The following FEM1C variants were observed in gnomAD, a reference collection of about 807,000 sequenced individuals.
FEM1C encodes the protein fem-1 homolog C.
In FEM1C, 15 loss-of-function variants were observed where a neutral mutation model predicts 37.6. The observed-to-expected ratio is 0.40, with a 90% CI of 0.27 to 0.61. The LOEUF (loss-of-function observed/expected upper bound fraction) is 0.61. Ranked by LOEUF, FEM1C falls within the 20% of genes least tolerant of loss-of-function variation. The pLI is 0.42. For missense variants in FEM1C, 532 were observed against 749.7 expected (o/e 0.71, Z 3.39); for synonymous variants, 287 against 272.8 (o/e 1.05, Z -0.51).
chr5:115,541,153 G>A (rs1754232795), intron 2 of FEM1C, among the ~76,000 whole-genome samples: 1 of 152,004 alleles, frequency 6.6e-6, no homozygotes, highest in Non-Finnish European at 1.5e-5. Flanking sequence ...AGAAGAGTAT[G>A]CAGCTATTGA....
At chr5:115,540,791 T>C (rs754067589) in intron 2 of FEM1C, among the ~76,000 whole-genome samples, 1 of 152,034 alleles carries the variant, frequency 6.6e-6, no homozygotes, top group Non-Finnish European at 1.5e-5. Context: ...TTAAAACATA[T>C]CCCAATTTGA....
At position 115,521,508 on chromosome 5, in the gene FEM1C, T is replaced by C. The variant is rs1285670832; in HGVS notation, c.*2800A>G. The C allele has an allele frequency of 6.6e-6, 1 of 151,808 alleles. No individual in the cohort carries two copies. Among genetic ancestry groups the C allele is most frequent in the African/African-American group, 2.4e-5 (1 of 41,410 alleles). The allele number at this position is 151,808 out of a possible 1,614,324, so 9.4% of individuals were successfully genotyped here. A position where few individuals can be genotyped will look rare whatever the true frequency, so the allele number is the denominator to read the frequency against. On this transcript the variant is annotated 3_prime_UTR_variant, in exon 3 of 3. Coordinates refer to ENST00000274457, the MANE Select transcript of FEM1C (RefSeq NM_020177.3). Reference sequence around the variant, plus strand: ...AAAATGACTATTTTTAAGTCTATAATCCATTTGTCTTTATAAAGTAGACTG... The same window carrying C: ...AAAATGACTATTTTTAAGTCTATAACCCATTTGTCTTTATAAAGTAGACTG...
At chr5:115,528,609 A>G (rs1753954604) in intron 2 of FEM1C, among the ~76,000 whole-genome samples, 1 of 152,192 alleles carries the variant, frequency 6.6e-6, no homozygotes, top group Non-Finnish European at 1.5e-5. Context: ...ATTAAAAGCC[A>G]GAAGCAAATA....
intron 2 of FEM1C, among the ~76,000 whole-genome samples, chr5:115,528,153 T>C (rs2127170168): frequency 6.6e-6 from 1 of 152,114 alleles, no homozygotes; most frequent in Non-Finnish European, 1.5e-5. Context: ...AGGAAGACTT[T>C]CACATCCAGT....
At chr5:115,540,340 G>A (rs991461532) in intron 2 of FEM1C, among the ~76,000 whole-genome samples, 1 of 152,086 alleles carries the variant, frequency 6.6e-6, no homozygotes, top group Admixed American at 6.5e-5. Context: ...CAGATACCAT[G>A]AAAAGGTAAA....
intron 2 of FEM1C, among the ~76,000 whole-genome samples, chr5:115,542,396 C>A (rs1171622150): frequency 1.3e-5 from 2 of 152,070 alleles, no homozygotes; most frequent in Non-Finnish European, 2.9e-5. Flanking sequence ...TATCTATTGA[C>A]CACAAACAAA....
At position 115,525,224 on chromosome 5, in the gene FEM1C, G is replaced by C. The variant is rs1753864949; in HGVS notation, c.938C>G (p.Ala313Gly). The change falls in exon 3 of 3, where the codon GCT becomes GGT. Residue 313 changes from alanine (A) to glycine (G), a missense_variant. Transcript: ENST00000274457. ...CTGCATTCTCATCTCATCAGGATCAGCAATAAGACCTTCTAGCTCTTCTGC... is the reference window on the plus strand; with the variant it reads ...CTGCATTCTCATCTCATCAGGATCACCAATAAGACCTTCTAGCTCTTCTGC... ...NSAEELEGLI[A>G]DPDEMRMQAL... 2.5e-6 allele frequency: 4 copies of C among 1,613,284 alleles called. No homozygotes were observed. In the African/African-American group the frequency reaches 5.3e-5, roughly 22 times the overall value.
At chr5:115,543,899 C>G (rs1754297279) in intron 1 of FEM1C, 1 of 985,300 alleles carries the variant, frequency 1.0e-6, no homozygotes, top group Non-Finnish European at 1.2e-6. Context: ...GCAGTCTCCT[C>G]CATGTGCGGA....
In FEM1C at chr5:115,536,094, A is replaced by C. The variant is rs546218697; in HGVS notation, c.544+6856T>G. Among the ~76,000 whole-genome samples, 8 of 151,842 alleles carry C rather than the reference A, an allele frequency of 5.3e-5. No homozygotes were observed. In the South Asian group the frequency reaches 1.7e-3, roughly 32 times the overall value. On this transcript the variant is annotated intron_variant, in intron 2 of 2. Transcript: ENST00000274457. ...GAATGAGGAGGGATAGGAGGGAGTG[A>C]CTCTTAATGGATATGAGATTTTTTC...
Position 115,521,631 on chromosome 5 carries a change from TTAA to T in FEM1C, c.*2674_*2676del, listed in dbSNP as rs1158946060. ...CCAAAAGGGCATTTTCATAGAAATG[TTAA>T]TAACTTACACATTAACTCCAGTCAA... On this transcript the variant is annotated 3_prime_UTR_variant, in exon 3 of 3. Transcript: ENST00000274457. 4.6e-5 allele frequency: 7 copies of T among 151,916 alleles called. No individual in the cohort carries two copies. Among genetic ancestry groups the T allele is most frequent in the Non-Finnish European group, 1.0e-4 (7 of 67,842 alleles). The allele number at this position is 151,916 out of a possible 1,614,324, so 9.4% of individuals were successfully genotyped here. A position where few individuals can be genotyped will look rare whatever the true frequency, so the allele number is the denominator to read the frequency against.
intron 2 of FEM1C, among the ~76,000 whole-genome samples, chr5:115,541,372 T>C (rs1303212070): frequency 1.3e-5 from 2 of 151,990 alleles, no homozygotes; most frequent in East Asian, 3.9e-4. Flanking sequence ...TGATCTTGTA[T>C]CATTTTTATA....
At chr5:115,542,275 C>A (rs1395880883) in intron 2 of FEM1C, among the ~76,000 whole-genome samples, 2 of 152,174 alleles carry the variant, frequency 1.3e-5, no homozygotes, top group East Asian at 3.8e-4. Flanking sequence ...TGCTAGCCAA[C>A]AAATCCACAT....
chr5:115,524,457 C>T lies in FEM1C; in HGVS notation c.1705G>A (p.Asp569Asn). ...LHKQTASDLL[D>N]EKEIAKNLIQ... ...AAATTTTTAGCTATTTCCTTCTCAT[C>T]CAGCAAGTCACTAGCAGTTTGTTTG... Residue 569 changes from aspartate to asparagine, a missense_variant, in exon 3 of 3, where the codon GAT becomes AAT. Coordinates refer to ENST00000274457, the MANE Select transcript of FEM1C (RefSeq NM_020177.3). 3.1e-6 allele frequency: 5 copies of T among 1,613,046 alleles called. No individual in the cohort carries two copies. Among genetic ancestry groups the T allele is most frequent in the South Asian group, 2.2e-5 (2 of 90,900 alleles).
At chr5:115,534,605 C>G (rs895309561) in intron 2 of FEM1C, among the ~76,000 whole-genome samples, 1 of 151,938 alleles carries the variant, frequency 6.6e-6, no homozygotes, top group African/African-American at 2.4e-5. Context: ...ACCACCCTCA[C>G]GGAGTAGACA....
intron 2 of FEM1C, among the ~76,000 whole-genome samples, chr5:115,527,194 T>C (rs1032825262): frequency 6.6e-6 from 1 of 152,168 alleles, no homozygotes; most frequent in Non-Finnish European, 1.5e-5. Flanking sequence ...AGTACAGTTA[T>C]ATGGTGAGTT....
At chr5:115,543,931 C>A in intron 1 of FEM1C, 3 of 985,398 alleles carry the variant, frequency 3.0e-6, no homozygotes, top group Non-Finnish European at 3.6e-6. Context: ...CTACAGGCAG[C>A]CCGTTTTCTC....
intron 2 of FEM1C, among the ~76,000 whole-genome samples, chr5:115,530,603 A>C (rs1470291848): frequency 6.6e-6 from 1 of 152,134 alleles, no homozygotes; most frequent in East Asian, 1.9e-4. Context: ...GCATATCCAA[A>C]TACTGACCAT....
Position 115,523,865 on chromosome 5 carries a change from C to T in FEM1C, c.*443G>A, listed in dbSNP as rs1753825331. The T allele has an allele frequency of 5.9e-6, 1 of 169,700 alleles. No individual in the cohort carries two copies. Among genetic ancestry groups the T allele is most frequent in the Admixed American group, 5.6e-5 (1 of 17,970 alleles). 10.5% of individuals were successfully genotyped at this position (169,700 alleles called of 1,614,324 possible). On this transcript the variant is annotated 3_prime_UTR_variant, in exon 3 of 3. Coordinates refer to ENST00000274457, the MANE Select transcript of FEM1C (RefSeq NM_020177.3). Reference sequence around the variant, plus strand: ...CTAGTATGGGTCCATAAGGAAAAAACTGTAGTAGAAATGGTTAGGACAAAC... The same window carrying T: ...CTAGTATGGGTCCATAAGGAAAAAATTGTAGTAGAAATGGTTAGGACAAAC...
Position 115,524,370 on chromosome 5 carries a change from T to C in FEM1C, c.1792A>G (p.Arg598Gly). The C allele has an allele frequency of 1.2e-6, 2 of 1,613,540 alleles. No individual in the cohort carries two copies. The highest frequency in any genetic ancestry group is 1.7e-6 in the Non-Finnish European group (2 of 1,179,676). ...GGGATATGCCCTTTATAATATATTCTATGATTCACTATGACACGAGCAGCA... is the reference window on the plus strand; with the variant it reads ...GGGATATGCCCTTTATAATATATTCCATGATTCACTATGACACGAGCAGCA... ...CLAARVIVNH[R>G]IYYKGHIPEK... is the part of the protein sequence containing the mutation. The change falls in exon 3 of 3, where the codon AGA becomes GGA. Residue 598 changes from arginine (R) to glycine (G), a missense_variant. Arg to Gly is a moderately radical substitution (Grantham distance 125). Coordinates refer to ENST00000274457, the MANE Select transcript of FEM1C (RefSeq NM_020177.3).
Sources: gnomAD v4.1 joint callset for allele counts (sites outside exome capture counted in the v4.1 genomes callset) on GRCh38, gnomAD v4.1.1 for gene constraint, MANE v1.5 for transcripts, NCBI Gene and HGNC (gene_info 2026-07-23, HGNC 2026-07-21) for gene names.